CSMD3: variants seen among roughly 807,000 people sequenced by gnomAD.
CSMD3 encodes CUB and Sushi multiple domains 3, also known as CUB and sushi domain-containing protein 3.
CSMD3 carries 177 observed loss-of-function variants against 435.2 expected under a neutral mutation model. The ratio of observed to expected loss-of-function variants is 0.41; its 90% CI spans 0.36 to 0.46. The LOEUF is 0.46. Ranked by LOEUF, CSMD3 falls within the 20% of genes least tolerant of loss-of-function variation. The pLI is 0.34. For synonymous variants in CSMD3, 1,656 were observed against 1,520.5 expected, an observed-to-expected ratio of 1.09 and a Z score of -2.07; for missense variants, 4,265 against 4,504.6, an observed-to-expected ratio of 0.95 and a Z score of 1.52.
rs58947711 is a variant in CSMD3, at chr8:113,326,823, G to T, written c.179-12030C>A. Reference sequence around the variant, plus strand: ...TTTATAACCCATTCCAAATTCATAAGAATGACATTTTAAGCTTAAACCTTT... The same window carrying T: ...TTTATAACCCATTCCAAATTCATAATAATGACATTTTAAGCTTAAACCTTT... On this transcript the variant is annotated intron_variant, in intron 1 of 70. Coordinates refer to ENST00000297405, the MANE Select transcript of CSMD3 (RefSeq NM_198123.2). Among the ~76,000 whole-genome samples, 535 of 152,064 alleles carry T rather than the reference G, an allele frequency of 3.5e-3. 2 individuals carry two copies. The highest frequency in any genetic ancestry group is 0.012 in the African/African-American group (498 of 41,508).
intron 1 of CSMD3, among the ~76,000 whole-genome samples, chr8:113,318,419 C>T (rs1347997422): frequency 6.6e-6 from 1 of 152,096 alleles, no homozygotes; most frequent in Non-Finnish European, 1.5e-5. Flanking sequence ...CACATAGTTA[C>T]TTTTTTGTTT....
intron 5 of CSMD3, among the ~76,000 whole-genome samples, chr8:113,073,809 T>C (rs545460935): frequency 6.6e-6 from 1 of 151,794 alleles, no homozygotes; most frequent in South Asian, 2.1e-4. Context: ...CCTTCGGAAA[T>C]GTTGCCTAAT....
chr8:112,673,966 AAC>A lies in CSMD3; in HGVS notation c.2678-7553_2678-7552del, dbSNP rs1453409127. 1.2e-4 allele frequency among the ~76,000 whole-genome samples: 19 copies of A among 152,186 alleles called. No individual in the cohort carries two copies. In the East Asian group the frequency reaches 2.7e-3, roughly 22 times the overall value. Reference sequence around the variant, plus strand: ...TTTTTTTTTCTAATTACTGCCTTAAAACACACACTGCCAAGTCTCTTTCTCTC... The same window carrying A: ...TTTTTTTTTCTAATTACTGCCTTAAAACACACTGCCAAGTCTCTTTCTCTC... On this transcript the variant is annotated intron_variant, in intron 16 of 70. Transcript: ENST00000297405.
intron 13 of CSMD3, among the ~76,000 whole-genome samples, chr8:112,750,864 A>G (rs1355052662): frequency 6.6e-6 from 1 of 152,110 alleles, no homozygotes; most frequent in Non-Finnish European, 1.5e-5. Flanking sequence ...GAGTCCACTT[A>G]TATGTGGCCT....
At chr8:112,573,468 T>C in intron 24 of CSMD3, 33 bp downstream of exon 24, 6 of 1,558,186 alleles carry the variant, frequency 3.9e-6, no homozygotes, top group Non-Finnish European at 5.3e-6. Context: ...AGCACCCCAG[T>C]GTTTGGCCAT....
chr8:113,267,920 T>C (rs997054259), intron 3 of CSMD3, among the ~76,000 whole-genome samples: 8 of 151,748 alleles, frequency 5.3e-5, no homozygotes, highest in Admixed American at 5.3e-4. Flanking sequence ...CCGAAATTAT[T>C]TAGCTCATCC....
chr8:112,531,241 A>G (rs74787066), intron 27 of CSMD3, among the ~76,000 whole-genome samples: 3 of 152,118 alleles, frequency 2.0e-5, no homozygotes, highest in African/African-American at 4.8e-5. Flanking sequence ...GCTCCCATCA[A>G]TTCTTCTAGA....
At chr8:112,648,967 T>G (rs533347417) in intron 19 of CSMD3, among the ~76,000 whole-genome samples, 1 of 152,280 alleles carries the variant, frequency 6.6e-6, no homozygotes, top group Non-Finnish European at 1.5e-5. Flanking sequence ...TTCCCTGGGA[T>G]TTTTCTAATT....
chr8:112,901,194 C>CA (rs2082100851), intron 10 of CSMD3, among the ~76,000 whole-genome samples: 1 of 151,224 alleles, frequency 6.6e-6, no homozygotes, highest in Non-Finnish European at 1.5e-5. Context: ...ATATGAGGGG[C>CA]AGTGAGATTA....
At chr8:112,454,358 C>T (rs963863411) in intron 32 of CSMD3, among the ~76,000 whole-genome samples, 15 of 151,862 alleles carry the variant, frequency 9.9e-5, no homozygotes, top group African/African-American at 2.9e-4. Flanking sequence ...ATTCACAAAC[C>T]GTGCATTCAG....
intron 4 of CSMD3, among the ~76,000 whole-genome samples, chr8:113,122,640 T>C (rs2091017276): frequency 1.3e-5 from 2 of 151,960 alleles, no homozygotes; most frequent in Admixed American, 6.6e-5. Flanking sequence ...GTTTTCAAGA[T>C]AGAAAAGGAC....
At chr8:112,513,770 A>G (rs1369290626) in intron 28 of CSMD3, among the ~76,000 whole-genome samples, 1 of 152,178 alleles carries the variant, frequency 6.6e-6, no homozygotes, top group Non-Finnish European at 1.5e-5. Flanking sequence ...GTATATATGC[A>G]AAAAAGACCA....
At chr8:112,475,224 A>C (rs547501519) in intron 31 of CSMD3, among the ~76,000 whole-genome samples, 1 of 152,220 alleles carries the variant, frequency 6.6e-6, no homozygotes, top group Non-Finnish European at 1.5e-5. Context: ...TAACTTAGTC[A>C]TGAACATTGT....
chr8:112,477,679 C>T (rs1819198367), intron 31 of CSMD3, among the ~76,000 whole-genome samples: 1 of 152,164 alleles, frequency 6.6e-6, no homozygotes, highest in Admixed American at 6.5e-5. Context: ...GCAAGGATTG[C>T]AAGCTTTCTG....
In CSMD3 at chr8:112,314,594, G is replaced by T. The variant is rs199998952; in HGVS notation, c.7384C>A (p.Arg2462=). The change falls in exon 48 of 71, where the codon CGG becomes AGG. Residue 2462 remains arginine, a synonymous_variant. Coordinates refer to ENST00000297405, the MANE Select transcript of CSMD3 (RefSeq NM_198123.2). ...AATATGACTCCAGTAGAATCTAGCC[G>T]TAATTCATTGGCAGGACAGAGCACT... is the stretch of plus-strand genomic sequence containing the variant. ...CQVLCPANEL[R]LDSTGVILSP... 150 of 1,611,986 alleles carry T rather than the reference G, an allele frequency of 9.3e-5. No homozygotes were observed. The South Asian group carries it at 1.6e-3, about 17-fold the overall frequency.
intron 4 of CSMD3, among the ~76,000 whole-genome samples, chr8:113,112,454 TACAC>T (rs1194208817): frequency 2.6e-4 from 12 of 45,330 alleles, no homozygotes; most frequent in East Asian, 1.2e-3. Flanking sequence ...TATATGTATA[TACAC>T]ACACACACAC....
At chr8:112,944,237 T>G (rs2083536377) in intron 9 of CSMD3, among the ~76,000 whole-genome samples, 1 of 151,740 alleles carries the variant, frequency 6.6e-6, no homozygotes, top group African/African-American at 2.4e-5. Context: ...GTATTAAACA[T>G]GAGCTTTCTC....
At chr8:112,662,623 C>T (rs2075414525) in intron 17 of CSMD3, among the ~76,000 whole-genome samples, 1 of 152,196 alleles carries the variant, frequency 6.6e-6, no homozygotes, top group East Asian at 1.9e-4. Context: ...GCAGGGACTT[C>T]ATGTCTAAAA....
At position 112,295,883 on chromosome 8, in the gene CSMD3, C is replaced by T. The variant is rs1820211677; in HGVS notation, c.8564G>A (p.Arg2855Lys). The change falls in exon 54 of 71, where the codon AGG becomes AAG. Residue 2855 changes from arginine (R) to lysine (K), a missense_variant. Physicochemically the swap from Arg to Lys is conservative, Grantham distance 26. Coordinates refer to ENST00000297405, the MANE Select transcript of CSMD3 (RefSeq NM_198123.2). The stretch of plus-strand genomic sequence containing the variant: ...CCAATTGTGATCCTGTTGACATATC[C>T]TCACTGAAGAACCAATCAATCGAAA... The part of the protein sequence containing the change: ...PGFRLIGSSV[R>K]ICQQDHNWSG... 6.2e-7 allele frequency: 1 copy of T among 1,614,006 alleles called. No homozygotes were observed. Among genetic ancestry groups the T allele is most frequent in the East Asian group, 2.2e-5 (1 of 44,828 alleles).
Sources: gnomAD v4.1 joint callset for allele counts (sites outside exome capture counted in the v4.1 genomes callset) on GRCh38, gnomAD v4.1.1 for gene constraint, MANE v1.5 for transcripts, NCBI Gene and HGNC (gene_info 2026-07-23, HGNC 2026-07-21) for gene names.